Variants in KIAA2012 observed in about 807,000 individuals in gnomAD.
KIAA2012 encodes KIAA2012.
A neutral mutation model predicts 150.6 loss-of-function variants in KIAA2012; 125 were observed. The observed-to-expected ratio is 0.83, with a 90% CI of 0.72 to 0.96. The LOEUF (loss-of-function observed/expected upper bound fraction) is 0.96, where lower values mean the gene tolerates loss of function less well. Among genes scored for constraint, KIAA2012 ranks in the 40% least tolerant of loss-of-function variants. The probability of loss-of-function intolerance (pLI) is 0.00; values close to 1 mark genes in which losing one functional copy is unlikely to be tolerated. For synonymous variants in KIAA2012, 462 were observed against 504.7 expected (o/e 0.92, Z 1.13); for missense variants, 1,219 against 1,354.9 (o/e 0.90, Z 1.57).
Position 202,160,281 on chromosome 2 carries a change from A to C in KIAA2012, c.2047-5003A>C, listed in dbSNP as rs1024027926. 2.7e-4 allele frequency among the ~76,000 whole-genome samples: 41 copies of C among 151,798 alleles called. 1 individual carries two copies. The South Asian group carries it at 5.4e-3, about 20-fold the overall frequency. The stretch of plus-strand genomic sequence containing the variant: ...ATATATTAATCTTTTTTATCTTAAT[A>C]ACACAAGATACTTTATGATTTTTCA... On this transcript the variant is annotated intron_variant, in intron 14 of 23. Coordinates refer to ENST00000498697, the MANE Select transcript of KIAA2012 (RefSeq NM_001277372.4).
chr2:202,184,730 TGATTGATACTCTGTTTTCACA>T lies in KIAA2012; in HGVS notation c.2120-20_2120del, dbSNP rs1281755973. The T allele has an allele frequency of 1.0e-5, 15 of 1,491,786 alleles. No homozygotes were observed. The highest frequency in any genetic ancestry group is 1.3e-5 in the Non-Finnish European group (15 of 1,117,408). 92.4% of individuals were successfully genotyped at this position (1,491,786 alleles called of 1,614,324 possible). ...AGGATAACTGCCTGTTGTCCTTTAT[TGATTGATACTCTGTTTTCACA>T]GACCCAGAGCCAAGGAGTATGACCC... On this transcript the variant is annotated splice_acceptor_variant and splice_polypyrimidine_tract_variant and intron_variant, in intron 15 of 23. Coordinates refer to ENST00000498697, the MANE Select transcript of KIAA2012 (RefSeq NM_001277372.4). LOFTEE classifies it high-confidence loss of function.
In KIAA2012 at chr2:202,077,178, GC is replaced by G. The variant is rs1689344525; in HGVS notation, c.369+2010del. On this transcript the variant is annotated intron_variant, in intron 2 of 23. Coordinates refer to ENST00000498697, the MANE Select transcript of KIAA2012 (RefSeq NM_001277372.4). ...TCCTGATGTTACTGATCTCAATGTTGCCCCCCCAGCTGTTTGGCTTCTGAGG... is the reference window on the plus strand; with the variant it reads ...TCCTGATGTTACTGATCTCAATGTTGCCCCCCAGCTGTTTGGCTTCTGAGG... 4 of 386,500 alleles carry G rather than the reference GC, an allele frequency of 1.0e-5. 1 individual carries two copies. The highest frequency in any genetic ancestry group is 5.7e-5 in the South Asian group (3 of 52,434). The allele number at this position is 386,500 out of a possible 1,614,324, so 23.9% of individuals were successfully genotyped here.
At chr2:202,199,417 C>T (rs949821570) in intron 22 of KIAA2012, among the ~76,000 whole-genome samples, 13 of 152,130 alleles carry the variant, frequency 8.5e-5, no homozygotes, top group Non-Finnish European at 1.6e-4. Flanking sequence ...AGTACAGCCA[C>T]GGGCCACCAT....
At chr2:202,152,976 ACCC>A (rs886311037) in intron 13 of KIAA2012, among the ~76,000 whole-genome samples, 1 of 152,110 alleles carries the variant, frequency 6.6e-6, no homozygotes, top group African/African-American at 2.4e-5. Context: ...AATGTATGTG[ACCC>A]CAGCAAATTT....
Position 202,125,355 on chromosome 2 carries a change from T to C in KIAA2012, c.1831+73T>C, listed in dbSNP as rs941510433. ...ACTCATGATCATATTATTTCATATATAGACCTCCAGAAACCCACAATTTCT... is the reference window on the plus strand; with the variant it reads ...ACTCATGATCATATTATTTCATATACAGACCTCCAGAAACCCACAATTTCT... On this transcript the variant is annotated intron_variant, in intron 12 of 23. Transcript: ENST00000498697. 9 of 1,202,900 alleles carry C rather than the reference T, an allele frequency of 7.5e-6. No homozygotes were observed. The Admixed American group carries it at 1.1e-4, about 15-fold the overall frequency. The allele number at this position is 1,202,900 out of a possible 1,614,324, so 74.5% of individuals were successfully genotyped here.
chr2:202,161,460 T>G (rs527623651), intron 14 of KIAA2012, among the ~76,000 whole-genome samples: 71 of 152,284 alleles, frequency 4.7e-4, no homozygotes, highest in Middle Eastern at 3.4e-3. Context: ...CATGTGCAAT[T>G]TTTCTTAAAC....
intron 2 of KIAA2012, chr2:202,077,004 C>T (rs1305507923): frequency 2.2e-6 from 1 of 457,024 alleles, no homozygotes; most frequent in African/African-American, 2.0e-5. Flanking sequence ...AGTATTTCTC[C>T]CTTCCCACTC....
chr2:202,136,441 A>T (rs953561969), intron 12 of KIAA2012: 2 of 152,590 alleles, frequency 1.3e-5, no homozygotes, highest in Non-Finnish European at 2.9e-5. Flanking sequence ...TTAGCTAGAC[A>T]CAGATTGCTG....
In KIAA2012 at chr2:202,100,331, AC is replaced by A; in HGVS notation, c.1038del (p.His346GlnfsTer22). On this transcript the variant is annotated frameshift_variant, in exon 7 of 24. Coordinates refer to ENST00000498697, the MANE Select transcript of KIAA2012 (RefSeq NM_001277372.4). LOFTEE classifies it high-confidence loss of function. The part of the protein sequence containing the change: ...LSDKQRNVKL[H>X]KARSSHLLQV... ...GATAAACAAAGGAACGTGAAACTCC[AC>A]AAGGCCAGAAGCAGCCACTTGTTAC... 6.4e-7 allele frequency: 1 copy of A among 1,550,548 alleles called. No homozygotes were observed.
intron 12 of KIAA2012, among the ~76,000 whole-genome samples, chr2:202,129,191 A>G (rs894171890): frequency 6.6e-6 from 1 of 151,418 alleles, no homozygotes; most frequent in Non-Finnish European, 1.5e-5. Flanking sequence ...TAAAACATCT[A>G]TTCGTTGGAA....
At chr2:202,197,131 C>T in intron 22 of KIAA2012, 112 bp downstream of exon 22, 1 of 1,487,286 alleles carries the variant, frequency 6.7e-7, no homozygotes, top group South Asian at 1.3e-5. Flanking sequence ...CCCCCACCCC[C>T]AGCATGGCTT....
Position 202,107,356 on chromosome 2 carries a change from A to G in KIAA2012, c.1474+1446A>G, listed in dbSNP as rs1433302925. Among the ~76,000 whole-genome samples the G allele has an allele frequency of 3.9e-5, 6 of 152,198 alleles. No homozygotes were observed. In the South Asian group the frequency reaches 8.3e-4, roughly 21 times the overall value. On this transcript the variant is annotated intron_variant, in intron 9 of 23. Coordinates refer to ENST00000498697, the MANE Select transcript of KIAA2012 (RefSeq NM_001277372.4). ...ATTGAGGCAGAGGCTTATTTGGTCTATCTCTTAAGTGGGAGTTAATTATCC... is the reference window on the plus strand; with the variant it reads ...ATTGAGGCAGAGGCTTATTTGGTCTGTCTCTTAAGTGGGAGTTAATTATCC...
chr2:202,197,064 G>T, intron 22 of KIAA2012, 45 bp downstream of exon 22: 1 of 1,549,640 alleles, frequency 6.5e-7, no homozygotes, highest in South Asian at 1.2e-5. Context: ...GATGGTTCAA[G>T]GGCTTCACTG....
intron 6 of KIAA2012, 39 bp from the exon 7 acceptor site, chr2:202,100,268 T>C: frequency 6.5e-7 from 1 of 1,534,096 alleles, no homozygotes; most frequent in Non-Finnish European, 8.8e-7. Context: ...TCCCCCTACC[T>C]GCAATTAATA....
At chr2:202,088,403 T>C (rs558925810) in intron 2 of KIAA2012, among the ~76,000 whole-genome samples, 5 of 152,356 alleles carry the variant, frequency 3.3e-5, no homozygotes, top group East Asian at 1.9e-4. Flanking sequence ...TCAGCTCATA[T>C]AATCCTTAAA....
intron 15 of KIAA2012, chr2:202,179,397 C>G: frequency 1.3e-6 from 1 of 771,966 alleles, no homozygotes; most frequent in Non-Finnish European, 2.3e-6. Flanking sequence ...GGAGCCCTGT[C>G]AGTGGGAATT....
intron 15 of KIAA2012, among the ~76,000 whole-genome samples, chr2:202,170,399 C>T (rs1292132771): frequency 2.0e-5 from 3 of 152,198 alleles, no homozygotes; most frequent in Non-Finnish European, 2.9e-5. Context: ...GCAGAATCCA[C>T]GGTGCTACCA....
chr2:202,080,620 C>T (rs996892716), intron 2 of KIAA2012, among the ~76,000 whole-genome samples: 1 of 150,694 alleles, frequency 6.6e-6, no homozygotes, highest in Non-Finnish European at 1.5e-5. Flanking sequence ...TGCTTGAACC[C>T]AGGAGGCAAA....
chr2:202,112,819 A>C (rs2105929200), intron 10 of KIAA2012, among the ~76,000 whole-genome samples: 1 of 152,308 alleles, frequency 6.6e-6, no homozygotes, highest in African/African-American at 2.4e-5. Flanking sequence ...AATCTTTCTA[A>C]GTAACTAGGG....
Sources: allele counts gnomAD v4.1 joint callset (sites outside exome capture counted in the v4.1 genomes callset), GRCh38; gene constraint gnomAD v4.1.1; transcripts MANE v1.5; gene names NCBI Gene and HGNC (gene_info 2026-07-23, HGNC 2026-07-21).